The following RANBP2 variants were observed in gnomAD, a reference collection of about 807,000 sequenced individuals.
RANBP2 encodes the protein E3 SUMO-protein ligase RanBP2.
Under a neutral mutation model 303.6 loss-of-function variants are expected in RANBP2, and 57 were observed. That is an observed-to-expected ratio of 0.19 (90% CI 0.15 to 0.23). The LOEUF (loss-of-function observed/expected upper bound fraction) is 0.23. RANBP2 is among the 10% of genes least tolerant of loss of function. The pLI, the probability that RANBP2 is intolerant of heterozygous loss-of-function variation, is 1.00. For missense variants in RANBP2, 3,138 were observed against 3,780.8 expected, an observed-to-expected ratio of 0.83 and a Z score of 4.46; for synonymous variants, 1,167 against 1,301.5, an observed-to-expected ratio of 0.90 and a Z score of 2.23.
the RANBP2 span, chr2:109,613,171 T>C: frequency 1.6e-6 from 2 of 1,288,880 alleles, no homozygotes; most frequent in Non-Finnish European, 2.0e-6. Flanking sequence ...AAAATAGTTG[T>C]AACCACACTT....
the RANBP2 span, among the ~76,000 whole-genome samples, chr2:108,831,730 T>TTCCTTCCG: frequency 1.3e-5 from 2 of 151,192 alleles, no homozygotes; most frequent in Non-Finnish European, 3.0e-5. Flanking sequence ...CCTTCCTTCC[T>TTCCTTCCG]TCCTTCCGTC....
At chr2:109,640,145 C>T in the RANBP2 span, among the ~76,000 whole-genome samples, 4 of 151,402 alleles carry the variant, frequency 2.6e-5, no homozygotes, top group East Asian at 2.0e-4. Context: ...AGGAGTCCCA[C>T]GAATGCTTAG....
chr2:109,190,848 T>C, the RANBP2 span, among the ~76,000 whole-genome samples: 1 of 151,880 alleles, frequency 6.6e-6, no homozygotes, highest in African/African-American at 2.4e-5. Flanking sequence ...AAACATCTGG[T>C]TAAGCACTTA....
chr2:109,383,696 C>T, the RANBP2 span, among the ~76,000 whole-genome samples: 5 of 152,170 alleles, frequency 3.3e-5, no homozygotes, highest in African/African-American at 1.2e-4. Context: ...TTCGTTGCTG[C>T]TCAACCCCCG....
At chr2:109,194,245 C>A in the RANBP2 span, among the ~76,000 whole-genome samples, 1 of 152,260 alleles carries the variant, frequency 6.6e-6, no homozygotes, top group African/African-American at 2.4e-5. Context: ...ATCCATCAGC[C>A]TCATGACACA....
chr2:109,052,112 A>G, the RANBP2 span, among the ~76,000 whole-genome samples: 285 of 152,324 alleles, frequency 1.9e-3, 3 homozygotes, highest in Middle Eastern at 0.01. Flanking sequence ...TAACAAATGT[A>G]TCCAATAGGT....
chr2:108,745,117 CTTT>C (rs4012073), intron 7 of RANBP2, among the ~76,000 whole-genome samples: 3 of 142,332 alleles, frequency 2.1e-5, no homozygotes, highest in Admixed American at 7.1e-5. Flanking sequence ...CTGGCTTTTA[CTTT>C]TTTTTTTTTT....
At chr2:109,056,343 T>C in the RANBP2 span, among the ~76,000 whole-genome samples, 1 of 152,040 alleles carries the variant, frequency 6.6e-6, no homozygotes, top group East Asian at 1.9e-4. Context: ...ACTTTTGAAT[T>C]TTTTTGTAGA....
the RANBP2 span, among the ~76,000 whole-genome samples, chr2:109,420,418 T>A: frequency 1.3e-5 from 2 of 151,938 alleles, no homozygotes; most frequent in Admixed American, 6.6e-5. Context: ...CAGAACAGGA[T>A]TTTTTGTTGT....
the RANBP2 span, chr2:109,615,149 G>A: frequency 6.5e-7 from 1 of 1,549,478 alleles, no homozygotes; most frequent in South Asian, 1.2e-5. Context: ...AGAGGAGCGT[G>A]TGTCCCGGGG....
At chr2:109,539,313 A>T in the RANBP2 span, among the ~76,000 whole-genome samples, 157 of 152,180 alleles carry the variant, frequency 1.0e-3, 1 homozygote, top group African/African-American at 3.8e-3. Context: ...GAAAAAAAAT[A>T]TTGAGTGCAC....
chr2:108,816,029 A>C, the RANBP2 span: 567 of 1,613,916 alleles, frequency 3.5e-4, 2 homozygotes, highest in South Asian at 8.0e-4. Context: ...AAACATGAAG[A>C]ATCTGGAATG....
the RANBP2 span, among the ~76,000 whole-genome samples, chr2:108,902,327 G>C: frequency 3.9e-5 from 6 of 152,102 alleles, no homozygotes; most frequent in Non-Finnish European, 7.4e-5. Flanking sequence ...AGTGAGCGAG[G>C]ATTGTGCCAC....
chr2:109,325,567 T>C, the RANBP2 span, among the ~76,000 whole-genome samples: 129,221 of 151,960 alleles, frequency 0.85, 55,473 homozygotes, highest in African/African-American at 0.95. Flanking sequence ...CAACATCCCT[T>C]AATATGGCTG....
chr2:108,880,906 A>C, the RANBP2 span, among the ~76,000 whole-genome samples: 23 of 152,354 alleles, frequency 1.5e-4, no homozygotes, highest in African/African-American at 5.5e-4. Flanking sequence ...TTCAACTTTC[A>C]AGTCGATTTG....
At chr2:109,357,016 A>G in the RANBP2 span, among the ~76,000 whole-genome samples, 1 of 152,134 alleles carries the variant, frequency 6.6e-6, no homozygotes, top group African/African-American at 2.4e-5. Context: ...CATTCAAGGC[A>G]TGCTGCTGCT....
chr2:109,260,883 G>A, the RANBP2 span, among the ~76,000 whole-genome samples: 1 of 152,184 alleles, frequency 6.6e-6, no homozygotes, highest in African/African-American at 2.4e-5. Context: ...AGGCAGGCAG[G>A]TGACTTCAGA....
At chr2:109,525,515 A>G in the RANBP2 span, among the ~76,000 whole-genome samples, 7,089 of 152,186 alleles carry the variant, frequency 0.047, 550 homozygotes, top group African/African-American at 0.16. Context: ...CCACAGGCCT[A>G]CACTCCCCGA....
At chr2:109,503,090 T>C in the RANBP2 span, 1 of 152,180 alleles carries the variant, frequency 6.6e-6, no homozygotes, top group African/African-American at 2.4e-5. Flanking sequence ...ATTAGCACCA[T>C]GGCTCACTTC....
Sources: gnomAD v4.1 joint callset for allele counts (sites outside exome capture counted in the v4.1 genomes callset) on GRCh38, gnomAD v4.1.1 for gene constraint, MANE v1.5 for transcripts, NCBI Gene and HGNC (gene_info 2026-07-23, HGNC 2026-07-21) for gene names.